LIMK1: variants seen among roughly 807,000 people sequenced by gnomAD.
The protein encoded by LIMK1 is LIM motif-containing protein kinase.
In LIMK1, 21 loss-of-function variants were observed where a neutral mutation model predicts 77.6. The ratio of observed to expected loss-of-function variants is 0.27; its 90% CI spans 0.19 to 0.39. The LOEUF (loss-of-function observed/expected upper bound fraction) is 0.39, where lower values mean the gene tolerates loss of function less well. LIMK1 is among the 10% of genes least tolerant of loss of function. LIMK1 has a pLI of 1.00. For synonymous variants in LIMK1, 358 were observed against 370.0 expected, an observed-to-expected ratio of 0.97 and a Z score of 0.37; for missense variants, 696 against 901.6, an observed-to-expected ratio of 0.77 and a Z score of 2.92.
At chr7:74,108,077 C>T (rs1206073876) in intron 9 of LIMK1, 120 bp downstream of exon 9, 3 of 726,036 alleles carry the variant, frequency 4.1e-6, no homozygotes, top group Non-Finnish European at 7.3e-6. Context: ...GCAGGCCAGG[C>T]ATAGTGGCTC....
intron 10 of LIMK1, chr7:74,109,434 G>A (rs547804478): frequency 7.5e-6 from 2 of 265,606 alleles, no homozygotes; most frequent in Non-Finnish European, 1.5e-5. Context: ...GAAATAAAGT[G>A]CTCAGGCCAG....
chr7:74,118,018 C>G (rs1212698670), intron 13 of LIMK1, among the ~76,000 whole-genome samples: 1 of 150,828 alleles, frequency 6.6e-6, no homozygotes, highest in East Asian at 1.9e-4. Context: ...CACTTGAACC[C>G]AGGAGCAGAG....
At chr7:74,116,080 G>A in intron 13 of LIMK1, 122 bp downstream of exon 13, 1 of 1,030,906 alleles carries the variant, frequency 9.7e-7, no homozygotes, top group South Asian at 1.6e-5. Flanking sequence ...TTACCCTGTG[G>A]GTCCTGTTGC....
chr7:74,108,778 G>C (rs368776940), intron 9 of LIMK1, 127 bp from the exon 10 acceptor site: 88 of 1,433,894 alleles, frequency 6.1e-5, no homozygotes, highest in East Asian at 3.0e-4. Context: ...AGGCAGGAGA[G>C]GGGAGCTGGG....
chr7:74,106,284 T>C (rs782813858), intron 7 of LIMK1, 41 bp downstream of exon 7: 1 of 1,565,246 alleles, frequency 6.4e-7, no homozygotes, highest in South Asian at 1.2e-5. Context: ...GTGCTTTCAC[T>C]CCTGCTGGGG....
At chr7:74,102,440 C>A (rs1279606276) in intron 5 of LIMK1, among the ~76,000 whole-genome samples, 1 of 139,836 alleles carries the variant, frequency 7.2e-6, no homozygotes, top group Non-Finnish European at 1.5e-5. Flanking sequence ...GGATCATTGA[C>A]TCCCCCACAA....
At chr7:74,094,699 TGTAGAC>T (rs1469031391) in intron 2 of LIMK1, among the ~76,000 whole-genome samples, 2 of 152,130 alleles carry the variant, frequency 1.3e-5, no homozygotes, top group Non-Finnish European at 2.9e-5. Flanking sequence ...GGAGGTGCCC[TGTAGAC>T]CACCCCCCTC....
At chr7:74,091,233 C>T (rs1799228507) in intron 2 of LIMK1, among the ~76,000 whole-genome samples, 3 of 151,746 alleles carry the variant, frequency 2.0e-5, no homozygotes, top group South Asian at 2.1e-4. Flanking sequence ...AATATTAAAG[C>T]GATTTTAAGG....
chr7:74,112,095 T>C (rs1799711514), intron 12 of LIMK1, 97 bp downstream of exon 12: 1 of 968,976 alleles, frequency 1.0e-6, no homozygotes, highest in African/African-American at 1.6e-5. Context: ...GGCCCCTCCA[T>C]GTTGCCTCCA....
At chr7:74,096,005 G>A (rs757854201) in intron 2 of LIMK1, among the ~76,000 whole-genome samples, 10 of 137,562 alleles carry the variant, frequency 7.3e-5, no homozygotes, top group East Asian at 4.3e-4. Flanking sequence ...TCACTCTGTC[G>A]CCAGGCTGGA....
rs781936409 is a variant in LIMK1 at position 74,109,064 on chromosome 7, C to T, written c.1284+28C>T. 25 of 1,573,110 alleles carry T rather than the reference C, an allele frequency of 1.6e-5. No homozygotes were observed. In the Middle Eastern group the frequency reaches 6.6e-4, roughly 42 times the overall value. On this transcript the variant is annotated intron_variant, in intron 10 of 15. Coordinates refer to ENST00000336180, the MANE Select transcript of LIMK1 (RefSeq NM_002314.4). ...GAGTCCTGGGCAGAGCCAGCCACCC[C>T]CGCTGTGCGGCCCCGGGCAAAGCAG...
rs1273870816 is a variant in LIMK1, at chr7:74,121,476, G to A, written c.*175G>A. The A allele has an allele frequency of 7.0e-5, 45 of 645,958 alleles. No homozygotes were observed. The highest frequency in any genetic ancestry group is 6.2e-4 in the South Asian group (29 of 46,674). 40.0% of individuals were successfully genotyped at this position (645,958 alleles called of 1,614,324 possible). A position where few individuals can be genotyped will look rare whatever the true frequency, so the allele number is the denominator to read the frequency against. ...CCGCTTCCCCTGCCTTCTCTCTGCC[G>A]TGGCCCAGAGCCGGCCCAGCTGCAC... On this transcript the variant is annotated 3_prime_UTR_variant, in exon 16 of 16. Transcript: ENST00000336180.
At chr7:74,096,009 GGCTGGAGTGCAGTGGCACAATTTT>G (rs1799330875) in intron 2 of LIMK1, among the ~76,000 whole-genome samples, 1 of 142,132 alleles carries the variant, frequency 7.0e-6, no homozygotes, top group Non-Finnish European at 1.5e-5. Flanking sequence ...TCTGTCGCCA[GGCTGGAGTGCAGTGGCACAATTTT>G]GGCTCACTGC....
At chr7:74,086,620 C>T (rs1200565215) in intron 2 of LIMK1, among the ~76,000 whole-genome samples, 1 of 152,108 alleles carries the variant, frequency 6.6e-6, no homozygotes, top group East Asian at 1.9e-4. Flanking sequence ...CCTTGGCCTC[C>T]GAAAGTGCTA....
rs537161740 is a variant in LIMK1 at position 74,110,227 on chromosome 7, A to C, written c.1284+1191A>C. The C allele has an allele frequency of 2.6e-5, 4 of 152,358 alleles. 1 individual carries two copies. The highest frequency in any genetic ancestry group is 9.6e-5 in the African/African-American group (4 of 41,568). The allele number at this position is 152,358 out of a possible 1,614,324, so 9.4% of individuals were successfully genotyped here. A position where few individuals can be genotyped will look rare whatever the true frequency, so the allele number is the denominator to read the frequency against. ...AAAAATTAGCCAAATGTGGTGACACATGCCTGTGGTTCCAGCTCCACAGGA... is the reference window on the plus strand; with the variant it reads ...AAAAATTAGCCAAATGTGGTGACACCTGCCTGTGGTTCCAGCTCCACAGGA... On this transcript the variant is annotated intron_variant, in intron 10 of 15. Coordinates refer to ENST00000336180, the MANE Select transcript of LIMK1 (RefSeq NM_002314.4).
At chr7:74,107,679 CAAA>C (rs11321792) in intron 8 of LIMK1, among the ~76,000 whole-genome samples, 189 bp from the exon 9 acceptor site, 41 of 126,442 alleles carry the variant, frequency 3.2e-4, no homozygotes, top group Admixed American at 3.3e-4. Flanking sequence ...GACCCCATCT[CAAA>C]AAAAAAAAAA....
chr7:74,112,826 A>G (rs1285140348), intron 12 of LIMK1, among the ~76,000 whole-genome samples: 2 of 149,672 alleles, frequency 1.3e-5, no homozygotes, highest in Admixed American at 6.7e-5. Flanking sequence ...CTCCATCTCA[A>G]AAAAAAAAAG....
chr7:74,096,330 T>C (rs2115658103), intron 2 of LIMK1, among the ~76,000 whole-genome samples: 1 of 151,628 alleles, frequency 6.6e-6, no homozygotes, highest in South Asian at 2.1e-4. Flanking sequence ...TGAAACCCCA[T>C]CTCTACTAAA....
At chr7:74,101,131 G>A (rs1327229440) in intron 5 of LIMK1, among the ~76,000 whole-genome samples, 1 of 152,214 alleles carries the variant, frequency 6.6e-6, no homozygotes, top group Admixed American at 6.6e-5. Flanking sequence ...ATGTGAAGGT[G>A]GCCCTGGGGA....
Sources: allele counts gnomAD v4.1 joint callset (sites outside exome capture counted in the v4.1 genomes callset), GRCh38; gene constraint gnomAD v4.1.1; transcripts MANE v1.5; gene names NCBI Gene and HGNC (gene_info 2026-07-23, HGNC 2026-07-21).